NTM: variants seen among roughly 807,000 people sequenced by gnomAD.
The protein encoded by NTM is IgLON family member 2.
Under a neutral mutation model 42.1 loss-of-function variants are expected in NTM, and 13 were observed. That is an observed-to-expected ratio of 0.31 (90% CI 0.20 to 0.49). The LOEUF (loss-of-function observed/expected upper bound fraction) is 0.49, where lower values mean the gene tolerates loss of function less well. NTM is among the 20% of genes least tolerant of loss of function. NTM has a pLI of 0.99. For missense variants in NTM, 373 were observed against 452.8 expected, an observed-to-expected ratio of 0.82 and a Z score of 1.60; for synonymous variants, 187 against 179.2, an observed-to-expected ratio of 1.04 and a Z score of -0.35.
intron 2 of NTM, among the ~76,000 whole-genome samples, chr11:131,919,100 G>T (rs892588141): frequency 2.0e-4 from 26 of 130,340 alleles, no homozygotes; most frequent in African/African-American, 7.5e-4. Flanking sequence ...AGAGGGACCA[G>T]CTCCAAAACG....
intron 1 of NTM, among the ~76,000 whole-genome samples, chr11:131,497,466 C>T (rs909949878): frequency 6.6e-6 from 1 of 151,972 alleles, no homozygotes; most frequent in African/African-American, 2.4e-5. Flanking sequence ...GGATTACAGA[C>T]TTGAGCCACC....
chr11:131,526,818 G>C (rs1281212043), intron 1 of NTM, among the ~76,000 whole-genome samples: 2 of 152,192 alleles, frequency 1.3e-5, no homozygotes, highest in Non-Finnish European at 1.5e-5. Flanking sequence ...AGAGGGAAAA[G>C]TTATGTCTTA....
intron 1 of NTM, among the ~76,000 whole-genome samples, chr11:131,709,444 C>A (rs894968225): frequency 6.6e-5 from 10 of 152,126 alleles, no homozygotes; most frequent in African/African-American, 1.4e-4. Flanking sequence ...GTAGAGGTGA[C>A]AAGACAGGAT....
intron 2 of NTM, among the ~76,000 whole-genome samples, chr11:132,021,767 G>C (rs902992900): frequency 1.3e-5 from 2 of 152,196 alleles, no homozygotes; most frequent in Non-Finnish European, 2.9e-5. Context: ...TCTTGAGCCA[G>C]TTAGTCCCCT....
At chr11:131,660,296 A>T (rs1043786651) in intron 1 of NTM, 1 of 355,822 alleles carries the variant, frequency 2.8e-6, no homozygotes, top group Non-Finnish European at 5.6e-6. Flanking sequence ...CTGTAGAAGC[A>T]GGTCTGAAAG....
chr11:131,645,653 A>ATT (rs566740306), intron 1 of NTM, among the ~76,000 whole-genome samples: 2 of 151,388 alleles, frequency 1.3e-5, no homozygotes, highest in South Asian at 4.2e-4. Context: ...CTTTATGTCC[A>ATT]TTTTTTTTTA....
chr11:131,988,474 T>A (rs533805172), intron 2 of NTM, among the ~76,000 whole-genome samples: 1 of 152,298 alleles, frequency 6.6e-6, no homozygotes, highest in Non-Finnish European at 1.5e-5. Flanking sequence ...GATATAGGAT[T>A]TGTAAGTTAC....
chr11:132,023,766 GTGGTTTTGTTGTTGT>G (rs2074737874), intron 2 of NTM, among the ~76,000 whole-genome samples: 18 of 96,858 alleles, frequency 1.9e-4, no homozygotes, highest in Middle Eastern at 5.0e-3. Context: ...GTTGTTGGTG[GTGGTTTTGTTGTTGT>G]TGGTGGTTTT....
chr11:131,657,149 C>CAA (rs142930391), intron 1 of NTM, among the ~76,000 whole-genome samples: 101,908 of 142,492 alleles, frequency 0.72, 36,427 homozygotes, highest in East Asian at 0.84. Context: ...GAAGACCAGC[C>CAA]CAAAAAAAAA....
intron 3 of NTM, among the ~76,000 whole-genome samples, chr11:132,208,449 T>C (rs1223030852): frequency 2.6e-5 from 4 of 152,254 alleles, no homozygotes; most frequent in Non-Finnish European, 5.9e-5. Context: ...TTAGGCAGAA[T>C]TTAAAGGACA....
chr11:131,986,415 C>T (rs2066080251), intron 2 of NTM, among the ~76,000 whole-genome samples: 1 of 152,232 alleles, frequency 6.6e-6, no homozygotes, highest in East Asian at 1.9e-4. Flanking sequence ...AAAAAGATTA[C>T]AGAAGGCCTG....
chr11:131,767,150 T>C, intron 1 of NTM: 1 of 980,252 alleles, frequency 1.0e-6, no homozygotes, highest in Non-Finnish European at 1.2e-6. Context: ...GGCTCCAGAT[T>C]CCCGATTTAC....
intron 2 of NTM, among the ~76,000 whole-genome samples, chr11:131,959,433 G>A (rs1279344462): frequency 1.3e-5 from 2 of 151,994 alleles, no homozygotes; most frequent in Non-Finnish European, 2.9e-5. Flanking sequence ...CTTGAGACCA[G>A]CCTGGGCAAC....
intron 1 of NTM, among the ~76,000 whole-genome samples, chr11:131,839,305 A>G (rs1392886686): frequency 6.6e-6 from 1 of 152,188 alleles, no homozygotes; most frequent in Non-Finnish European, 1.5e-5. Context: ...ATATAACAGA[A>G]ATGGATTAAA....
chr11:132,272,761 AT>A (rs979069246), intron 4 of NTM, among the ~76,000 whole-genome samples: 2 of 151,742 alleles, frequency 1.3e-5, no homozygotes, highest in African/African-American at 2.4e-5. Context: ...ATTAGTTTGA[AT>A]TTTTTTTAGT....
intron 1 of NTM, among the ~76,000 whole-genome samples, chr11:131,442,811 G>A (rs955298280): frequency 2.6e-5 from 4 of 151,400 alleles, no homozygotes; most frequent in African/African-American, 7.3e-5. Context: ...TTATATATAT[G>A]TGTGTGTATA....
chr11:132,016,837 CT>C (rs1271546056), intron 2 of NTM, among the ~76,000 whole-genome samples: 1 of 151,858 alleles, frequency 6.6e-6, no homozygotes, highest in Non-Finnish European at 1.5e-5. Flanking sequence ...TATAACCATT[CT>C]AGTGGATATA....
chr11:131,798,355 T>A (rs1309935695), intron 1 of NTM, among the ~76,000 whole-genome samples: 2 of 151,832 alleles, frequency 1.3e-5, no homozygotes, highest in Non-Finnish European at 2.9e-5. Flanking sequence ...GGGAACAACA[T>A]CTAGGAAAGA....
intron 1 of NTM, among the ~76,000 whole-genome samples, chr11:131,718,853 A>T (rs1176450291): frequency 6.6e-6 from 1 of 152,164 alleles, no homozygotes; most frequent in Admixed American, 6.5e-5. Context: ...GTCAGCTGGG[A>T]TGAATGCTGT....
Sources: gnomAD v4.1 joint callset for allele counts (sites outside exome capture counted in the v4.1 genomes callset) on GRCh38, gnomAD v4.1.1 for gene constraint, MANE v1.5 for transcripts, NCBI Gene and HGNC (gene_info 2026-07-23, HGNC 2026-07-21) for gene names.